Variants in C2CD3 observed in about 807,000 individuals in gnomAD.
C2CD3 encodes C2 domain containing 3 centriole elongation regulator.
Under a neutral mutation model 234.0 loss-of-function variants are expected in C2CD3, and 148 were observed. The observed-to-expected ratio is 0.63, with a 90% CI of 0.55 to 0.72. The LOEUF (loss-of-function observed/expected upper bound fraction) is 0.72. Ranked by LOEUF, C2CD3 falls within the 30% of genes least tolerant of loss-of-function variation. C2CD3 has a pLI of 0.00. For synonymous variants in C2CD3, 1,000 were observed against 1,035.4 expected (o/e 0.97, Z 0.66); for missense variants, 2,577 against 2,811.5 (o/e 0.92, Z 1.89).
chr11:74,123,754 T>C (rs1957304871), intron 7 of C2CD3, among the ~76,000 whole-genome samples: 1 of 151,206 alleles, frequency 6.6e-6, no homozygotes, highest in African/African-American at 2.4e-5. Context: ...TTTTTTTTTT[T>C]TGAGGTGGAG....
At position 74,013,222 on chromosome 11, in the gene C2CD3, A is replaced by G; in HGVS notation, c.*163T>C. Reference sequence around the variant, plus strand: ...CTGGACTGGTTTGGGGCACTCCTCCAGTCTGGGCTGACCGGGTCTCTTGAG... The same window carrying G: ...CTGGACTGGTTTGGGGCACTCCTCCGGTCTGGGCTGACCGGGTCTCTTGAG... On this transcript the variant is annotated 3_prime_UTR_variant, in exon 33 of 33. Transcript: ENST00000334126. 1 of 395,204 alleles carries G rather than the reference A, an allele frequency of 2.5e-6. No individual in the cohort carries two copies. The highest frequency in any genetic ancestry group is 4.5e-6 in the Non-Finnish European group (1 of 223,344). The allele number at this position is 395,204 out of a possible 1,614,324, so 24.5% of individuals were successfully genotyped here.
chr11:74,120,023 G>C (rs967833642), intron 8 of C2CD3, among the ~76,000 whole-genome samples: 1 of 151,990 alleles, frequency 6.6e-6, no homozygotes, highest in Non-Finnish European at 1.5e-5. Context: ...TTATTGACTA[G>C]TGCAACTGAA....
intron 3 of C2CD3, among the ~76,000 whole-genome samples, chr11:74,144,189 A>C (rs1855003784): frequency 6.6e-6 from 1 of 152,240 alleles, no homozygotes; most frequent in South Asian, 2.1e-4. Context: ...GTGAAAGTTC[A>C]TTATACAAAT....
intron 31 of C2CD3, among the ~76,000 whole-genome samples, chr11:74,030,566 T>G (rs1223478991): frequency 6.6e-6 from 1 of 152,188 alleles, no homozygotes; most frequent in Non-Finnish European, 1.5e-5. Context: ...TTCTCCCACC[T>G]CCTGACCAGC....
chr11:74,034,608 C>T (rs776462137), intron 30 of C2CD3: 1 of 1,606,598 alleles, frequency 6.2e-7, no homozygotes, highest in Non-Finnish European at 8.5e-7. Context: ...TCAGTAACTA[C>T]CTATATTAAA....
chr11:74,123,072 A>C lies in C2CD3; in HGVS notation c.1281T>G (p.Pro427=). 6.2e-7 allele frequency: 1 copy of C among 1,612,564 alleles called. No homozygotes were observed. The highest frequency in any genetic ancestry group is 8.5e-7 in the Non-Finnish European group (1 of 1,178,550). The change falls in exon 8 of 33, where the codon CCT becomes CCG. Residue 427 remains proline, a synonymous_variant. Coordinates refer to ENST00000334126, the MANE Select transcript of C2CD3 (RefSeq NM_001286577.2). ...CACTGATGCAATACACATCACTCCC[A>C]GGAGATGGGGAATCTGGAGGAGAGC... ...GLGSPPDSPS[P]GSDVYCISEL... is the part of the protein sequence containing the mutation.
chr11:74,087,129 T>C (rs1405466531), intron 20 of C2CD3, among the ~76,000 whole-genome samples: 2 of 152,246 alleles, frequency 1.3e-5, no homozygotes, highest in East Asian at 1.9e-4. Context: ...TTTTTCCTTT[T>C]CATTATCGTT....
chr11:74,064,060 A>G (rs778098616), intron 24 of C2CD3, among the ~76,000 whole-genome samples: 2 of 139,672 alleles, frequency 1.4e-5, no homozygotes, highest in Non-Finnish European at 3.1e-5. Flanking sequence ...GTCCCACCCC[A>G]CAACAGTCCC....
At chr11:74,065,440 C>G (rs988454109) in intron 24 of C2CD3, among the ~76,000 whole-genome samples, 4 of 152,062 alleles carry the variant, frequency 2.6e-5, no homozygotes, top group African/African-American at 9.7e-5. Flanking sequence ...TGTGGAGAAA[C>G]TGGAACACTT....
At chr11:74,158,446 G>T (rs1316022020) in intron 3 of C2CD3, among the ~76,000 whole-genome samples, 1 of 152,102 alleles carries the variant, frequency 6.6e-6, no homozygotes, top group Non-Finnish European at 1.5e-5. Flanking sequence ...AACAGGGCTG[G>T]GCGTGGTGGC....
intron 30 of C2CD3, among the ~76,000 whole-genome samples, chr11:74,036,933 C>T (rs966740498): frequency 6.6e-6 from 1 of 152,110 alleles, no homozygotes; most frequent in African/African-American, 2.4e-5. Flanking sequence ...AAAAGTCCCT[C>T]AATAATTCCA....
chr11:74,170,355 C>T (rs190768833), intron 1 of C2CD3, among the ~76,000 whole-genome samples: 75 of 152,298 alleles, frequency 4.9e-4, no homozygotes, highest in African/African-American at 1.7e-3. Context: ...GTGATTCTTG[C>T]CCACAATCAC....
intron 24 of C2CD3, among the ~76,000 whole-genome samples, chr11:74,059,821 T>C (rs563320121): frequency 6.6e-6 from 1 of 152,272 alleles, no homozygotes; most frequent in East Asian, 1.9e-4. Flanking sequence ...GGGCAGGGCA[T>C]TGCCTCACCC....
intron 28 of C2CD3, among the ~76,000 whole-genome samples, chr11:74,044,811 G>A (rs1591321824): frequency 6.6e-6 from 1 of 151,384 alleles, no homozygotes; most frequent in East Asian, 1.9e-4. Context: ...TGTGGTATTT[G>A]GTTTTCTGTT....
At chr11:74,071,327 C>T (rs897491816) in intron 24 of C2CD3, among the ~76,000 whole-genome samples, 4 of 152,200 alleles carry the variant, frequency 2.6e-5, no homozygotes, top group East Asian at 1.9e-4. Context: ...ACTTTCCAGA[C>T]GTCACTGTTG....
rs1254632459 is a variant in C2CD3, at chr11:74,129,542, C to T, written c.1217+3302G>A. On this transcript the variant is annotated intron_variant, in intron 7 of 32. Coordinates refer to ENST00000334126, the MANE Select transcript of C2CD3 (RefSeq NM_001286577.2). ...GGCGGCCGGGAAGAGGCGCTCCTCACTTCCTAGATGGGATGGCGGGCGGGC... is the reference window on the plus strand; with the variant it reads ...GGCGGCCGGGAAGAGGCGCTCCTCATTTCCTAGATGGGATGGCGGGCGGGC... 9 of 192,416 alleles carry T rather than the reference C, an allele frequency of 4.7e-5. No individual in the cohort carries two copies. The East Asian group carries it at 1.4e-3, about 30-fold the overall frequency. 11.9% of individuals were successfully genotyped at this position (192,416 alleles called of 1,614,324 possible). A position where few individuals can be genotyped will look rare whatever the true frequency, so the allele number is the denominator to read the frequency against.
At chr11:74,118,505 T>C in intron 8 of C2CD3, 123 bp from the exon 9 acceptor site, 1 of 612,688 alleles carries the variant, frequency 1.6e-6, no homozygotes, top group Non-Finnish European at 2.7e-6. Flanking sequence ...AAGAAAGAAC[T>C]GACACCAGGG....
chr11:74,044,705 CCCTTTCTCCTT>C (rs1953270610), intron 28 of C2CD3, among the ~76,000 whole-genome samples: 1 of 152,070 alleles, frequency 6.6e-6, no homozygotes, highest in African/African-American at 2.4e-5. Flanking sequence ...TTGTCCTCCT[CCCTTTCTCCTT>C]CCTTTAGTAG....
chr11:74,159,362 GTATT>G (rs1015745129), intron 3 of C2CD3, among the ~76,000 whole-genome samples: 1 of 152,048 alleles, frequency 6.6e-6, no homozygotes, highest in Non-Finnish European at 1.5e-5. Context: ...TCCTCAGGAG[GTATT>G]CCAGAAGAAG....
Sources: allele counts gnomAD v4.1 joint callset (sites outside exome capture counted in the v4.1 genomes callset), GRCh38; gene constraint gnomAD v4.1.1; transcripts MANE v1.5; gene names NCBI Gene and HGNC (gene_info 2026-07-23, HGNC 2026-07-21).